ZFHX3: variants seen among roughly 807,000 people sequenced by gnomAD.
ZFHX3 encodes the protein zinc finger homeobox protein 3.
Under a neutral mutation model 279.1 loss-of-function variants are expected in ZFHX3, and 42 were observed. That is an observed-to-expected ratio of 0.15 (90% confidence interval 0.12 to 0.19). ZFHX3 has a LOEUF of 0.19. Ranked by LOEUF, ZFHX3 falls within the 10% of genes least tolerant of loss-of-function variation. ZFHX3 has a pLI of 1.00. For missense variants in ZFHX3, 4,981 were observed against 4,754.0 expected, an observed-to-expected ratio of 1.05 and a Z score of -1.40; for synonymous variants, 2,293 against 1,957.8, an observed-to-expected ratio of 1.17 and a Z score of -4.52.
At chr16:73,029,034 C>G (rs1055199615) in intron 1 of ZFHX3, among the ~76,000 whole-genome samples, 3 of 152,182 alleles carry the variant, frequency 2.0e-5, no homozygotes, top group South Asian at 2.1e-4. Flanking sequence ...CTTCTTCACT[C>G]ACTCAGCCCA....
At chr16:73,866,813 G>T (rs181011808) in intron 1 of ZFHX3, among the ~76,000 whole-genome samples, 1 of 152,182 alleles carries the variant, frequency 6.6e-6, no homozygotes, top group South Asian at 2.1e-4. Flanking sequence ...ATAATGGCCT[G>T]GTGAGCTGTT....
Position 73,213,509 on chromosome 16 carries a change from A to G in ZFHX3, c.-1104+43538T>C, listed in dbSNP as rs185891117. Among the ~76,000 whole-genome samples, 3 of 152,298 alleles carry G rather than the reference A, an allele frequency of 2.0e-5. No homozygotes were observed. In the East Asian group the frequency reaches 5.8e-4, roughly 29 times the overall value. ...ATAGCATTTTGCAATATAATATGAT[A>G]ATTACCACTTTTTAGGGAAAGAAAA... is the stretch of plus-strand genomic sequence containing the variant. On this transcript the variant is annotated intron_variant, in intron 5 of 17. Coordinates refer to the ZFHX3 transcript ENST00000641206.
At position 73,751,474 on chromosome 16, in the gene ZFHX3, AG is replaced by A. The variant is rs571199034; in HGVS notation, c.-1607-71235del. Among the ~76,000 whole-genome samples, 33 of 152,280 alleles carry A rather than the reference AG, an allele frequency of 2.2e-4. No homozygotes were observed. In the East Asian group the frequency reaches 4.1e-3, roughly 19 times the overall value. ...TCATTGGACAACATTGTACCTGGAA[AG>A]ATCACAAACGAATGTCTAATCATGT... On this transcript the variant is annotated intron_variant, in intron 1 of 17. Coordinates refer to the ZFHX3 transcript ENST00000641206.
chr16:73,297,410 G>A (rs1273250561), intron 4 of ZFHX3, among the ~76,000 whole-genome samples: 1 of 151,956 alleles, frequency 6.6e-6, no homozygotes, highest in Non-Finnish European at 1.5e-5. Flanking sequence ...CAGACAGCTG[G>A]TAACCCTGTT....
intron 3 of ZFHX3, among the ~76,000 whole-genome samples, chr16:73,445,927 A>G (rs2018178160): frequency 2.0e-5 from 3 of 152,216 alleles, no homozygotes. Flanking sequence ...CCTGTTGCCC[A>G]CAGTTGAAAC....
chr16:73,544,855 C>G (rs16972166), intron 2 of ZFHX3, among the ~76,000 whole-genome samples: 2,307 of 152,098 alleles, frequency 0.015, 70 homozygotes, highest in African/African-American at 0.053. Context: ...CTCATTAGCC[C>G]TAAAAACATT....
At chr16:72,914,653 C>G (rs2039396641) in intron 3 of ZFHX3, among the ~76,000 whole-genome samples, 1 of 151,824 alleles carries the variant, frequency 6.6e-6, no homozygotes, top group African/African-American at 2.4e-5. Context: ...AAGAAAGGAA[C>G]AAGGAATGTT....
At chr16:73,807,234 C>T (rs565294211) in intron 1 of ZFHX3, among the ~76,000 whole-genome samples, 1 of 152,248 alleles carries the variant, frequency 6.6e-6, no homozygotes, top group African/African-American at 2.4e-5. Context: ...TTTTTCATTA[C>T]TATACAAGCC....
chr16:73,109,898 C>G (rs1358763993), intron 7 of ZFHX3, among the ~76,000 whole-genome samples: 1 of 151,118 alleles, frequency 6.6e-6, no homozygotes, highest in Non-Finnish European at 1.5e-5. Context: ...CAAAACTTTT[C>G]ATATTAAAAG....
intron 5 of ZFHX3, among the ~76,000 whole-genome samples, chr16:73,221,036 A>T (rs1273820220): frequency 6.6e-6 from 1 of 152,124 alleles, no homozygotes; most frequent in Non-Finnish European, 1.5e-5. Context: ...CCAAAGATTG[A>T]TCTCTAGGGG....
At chr16:72,991,075 A>C (rs781684025) in intron 1 of ZFHX3, among the ~76,000 whole-genome samples, 11 of 69,188 alleles carry the variant, frequency 1.6e-4, no homozygotes, top group Non-Finnish European at 3.3e-4. Flanking sequence ...GCATTAGGAT[A>C]ATATAGTATA....
chr16:73,472,746 C>T (rs1217878249), intron 2 of ZFHX3, among the ~76,000 whole-genome samples: 1 of 152,192 alleles, frequency 6.6e-6, no homozygotes, highest in Non-Finnish European at 1.5e-5. Context: ...CCAGCTCCTT[C>T]CTGCCTCACC....
At chr16:73,736,978 G>C in intron 1 of ZFHX3, among the ~76,000 whole-genome samples, 1 of 152,140 alleles carries the variant, frequency 6.6e-6, no homozygotes, top group East Asian at 1.9e-4. Flanking sequence ...GCATTGGCTG[G>C]GTTTGCAGCC....
At chr16:73,381,881 G>A (rs796257962) in intron 3 of ZFHX3, among the ~76,000 whole-genome samples, 12 of 152,360 alleles carry the variant, frequency 7.9e-5, no homozygotes, top group African/African-American at 2.9e-4. Context: ...CATGCAACCT[G>A]TGGACTGCGG....
At chr16:73,247,017 C>CGT (rs1043922772) in intron 5 of ZFHX3, among the ~76,000 whole-genome samples, 28 of 151,988 alleles carry the variant, frequency 1.8e-4, no homozygotes, top group African/African-American at 6.8e-4. Context: ...TGCCTATATG[C>CGT]GTGTGTGTAT....
chr16:73,695,121 C>T (rs2053185216), intron 1 of ZFHX3, among the ~76,000 whole-genome samples: 1 of 152,224 alleles, frequency 6.6e-6, no homozygotes, highest in African/African-American at 2.4e-5. Context: ...CTCCTATACC[C>T]CGATGGGGTG....
intron 1 of ZFHX3, among the ~76,000 whole-genome samples, chr16:73,741,720 CT>C (rs1163965758): frequency 6.6e-6 from 1 of 152,098 alleles, no homozygotes; most frequent in African/African-American, 2.4e-5. Context: ...CTTTTATATC[CT>C]TTTTTATTCT....
At chr16:72,884,697 A>C (rs973464173) in intron 4 of ZFHX3, among the ~76,000 whole-genome samples, 3 of 152,260 alleles carry the variant, frequency 2.0e-5, no homozygotes, top group Non-Finnish European at 2.9e-5. Context: ...AGCCCAGGGC[A>C]CTTGATAGAA....
intron 1 of ZFHX3, among the ~76,000 whole-genome samples, chr16:73,884,439 A>C (rs772773435): frequency 3.3e-5 from 5 of 152,196 alleles, no homozygotes; most frequent in Non-Finnish European, 5.9e-5. Context: ...CAAATCTTAC[A>C]GGAGTGTGGA....
Sources: allele counts gnomAD v4.1 joint callset (sites outside exome capture counted in the v4.1 genomes callset), GRCh38; gene constraint gnomAD v4.1.1; transcripts MANE v1.5; gene names NCBI Gene and HGNC (gene_info 2026-07-23, HGNC 2026-07-21).